The following ZNF804A variants were observed in gnomAD, a reference collection of about 807,000 sequenced individuals.
ZNF804A encodes zinc finger protein 804A.
ZNF804A carries 2 observed loss-of-function variants against 16.5 expected under a neutral mutation model. The ratio of observed to expected loss-of-function variants is 0.12; its 90% CI spans 0.05 to 0.38. ZNF804A has a LOEUF of 0.38. ZNF804A is among the 10% of genes least tolerant of loss of function. The pLI is 0.99. For missense variants in ZNF804A, 1,473 were observed against 1,390.7 expected, an observed-to-expected ratio of 1.06 and a Z score of -0.94; for synonymous variants, 534 against 489.6, an observed-to-expected ratio of 1.09 and a Z score of -1.20.
chr2:184,715,460 C>T (rs1347233035), intron 1 of ZNF804A, among the ~76,000 whole-genome samples: 3 of 152,118 alleles, frequency 2.0e-5, no homozygotes, highest in East Asian at 3.9e-4. Flanking sequence ...TCATGGCTCT[C>T]ACTGTTACCT....
intron 1 of ZNF804A, among the ~76,000 whole-genome samples, chr2:184,670,403 T>G (rs1692323738): frequency 6.6e-6 from 1 of 152,066 alleles, no homozygotes; most frequent in Admixed American, 6.6e-5. Flanking sequence ...TGGAACTTTA[T>G]TAAGACACAT....
rs568206062 is a variant in ZNF804A at position 184,815,164 on chromosome 2, T to C, written c.112-51205T>C. On this transcript the variant is annotated intron_variant, in intron 1 of 3. Coordinates refer to ENST00000302277, the MANE Select transcript of ZNF804A (RefSeq NM_194250.2). ...TCAGTGAGTGATACAGTGAAGTTAG[T>C]GTAAGAAGTTCAGAAATCCACATTA... Among the ~76,000 whole-genome samples, 3 of 152,062 alleles carry C rather than the reference T, an allele frequency of 2.0e-5. No homozygotes were observed. In the East Asian group the frequency reaches 5.8e-4, roughly 29 times the overall value.
intron 1 of ZNF804A, among the ~76,000 whole-genome samples, chr2:184,680,924 T>G (rs1016755649): frequency 5.9e-5 from 9 of 152,238 alleles, no homozygotes; most frequent in African/African-American, 2.2e-4. Flanking sequence ...CAGGCATCAC[T>G]GTGCCAGCAG....
chr2:184,740,565 G>T (rs775761410), intron 1 of ZNF804A, among the ~76,000 whole-genome samples: 2 of 152,068 alleles, frequency 1.3e-5, no homozygotes, highest in African/African-American at 4.8e-5. Flanking sequence ...TAAAACCTCA[G>T]GAAACTTTTA....
At chr2:184,634,113 T>C (rs1393936419) in intron 1 of ZNF804A, among the ~76,000 whole-genome samples, 3 of 152,178 alleles carry the variant, frequency 2.0e-5, no homozygotes, top group African/African-American at 7.2e-5. Context: ...AATTATTCAA[T>C]ATATCAGTTG....
intron 1 of ZNF804A, among the ~76,000 whole-genome samples, chr2:184,769,471 A>C (rs1391340714): frequency 1.3e-5 from 2 of 152,118 alleles, no homozygotes; most frequent in Non-Finnish European, 2.9e-5. Context: ...AGAGCACAGC[A>C]GGTATCTCAA....
intron 1 of ZNF804A, among the ~76,000 whole-genome samples, chr2:184,684,167 T>C (rs549060950): frequency 6.6e-6 from 1 of 152,330 alleles, no homozygotes; most frequent in South Asian, 2.1e-4. Flanking sequence ...GCGTAATGAA[T>C]GATTTGTGAG....
chr2:184,716,914 G>A (rs1183918388), intron 1 of ZNF804A, among the ~76,000 whole-genome samples: 3 of 151,938 alleles, frequency 2.0e-5, no homozygotes, highest in Admixed American at 6.6e-5. Context: ...TTTGTACTTC[G>A]TACATGTTAA....
intron 1 of ZNF804A, among the ~76,000 whole-genome samples, chr2:184,679,413 C>T (rs1277660258): frequency 1.3e-5 from 2 of 152,140 alleles, no homozygotes; most frequent in Non-Finnish European, 2.9e-5. Context: ...CTGGAGGGAG[C>T]TGGGGACAGG....
chr2:184,736,877 A>C (rs969111798), intron 1 of ZNF804A, among the ~76,000 whole-genome samples: 2 of 146,982 alleles, frequency 1.4e-5, no homozygotes, highest in African/African-American at 2.5e-5. Context: ...TTTTTTCTGC[A>C]TAAAGCACTG....
intron 1 of ZNF804A, among the ~76,000 whole-genome samples, chr2:184,695,289 G>T (rs534801880): frequency 1.4e-4 from 21 of 151,414 alleles, no homozygotes; most frequent in African/African-American, 4.6e-4. Flanking sequence ...GTGAAACCCC[G>T]TCTCTACTAA....
At chr2:184,897,237 G>T (rs1685083448) in intron 2 of ZNF804A, among the ~76,000 whole-genome samples, 1 of 152,048 alleles carries the variant, frequency 6.6e-6, no homozygotes, top group Non-Finnish European at 1.5e-5. Flanking sequence ...AATATCAAGG[G>T]TACATACTAT....
At chr2:184,928,682 C>G (rs933714076) in intron 2 of ZNF804A, among the ~76,000 whole-genome samples, 5 of 152,220 alleles carry the variant, frequency 3.3e-5, no homozygotes, top group African/African-American at 1.2e-4. Context: ...CCCAAGGTGG[C>G]AAGGCTTGCA....
intron 1 of ZNF804A, among the ~76,000 whole-genome samples, chr2:184,798,006 A>ATTTG (rs1284803791): frequency 7.5e-6 from 1 of 133,256 alleles, no homozygotes; most frequent in Non-Finnish European, 1.6e-5. Flanking sequence ...TGGCTGATAT[A>ATTTG]TGTGTGTGTG....
chr2:184,685,935 C>T (rs1559126180), intron 1 of ZNF804A, among the ~76,000 whole-genome samples: 4 of 152,266 alleles, frequency 2.6e-5, no homozygotes, highest in Non-Finnish European at 5.9e-5. Flanking sequence ...CTGCCCTCAG[C>T]CTCTGATGGC....
At chr2:184,873,541 C>A (rs1251162858) in intron 2 of ZNF804A, among the ~76,000 whole-genome samples, 3 of 152,030 alleles carry the variant, frequency 2.0e-5, no homozygotes, top group Non-Finnish European at 4.4e-5. Context: ...AGTTTAACTG[C>A]ATGTAATATG....
At chr2:184,893,120 A>T (rs920655937) in intron 2 of ZNF804A, among the ~76,000 whole-genome samples, 2 of 152,142 alleles carry the variant, frequency 1.3e-5, no homozygotes, top group Non-Finnish European at 2.9e-5. Context: ...TCAATTTAAT[A>T]TATAAAACAT....
intron 1 of ZNF804A, among the ~76,000 whole-genome samples, chr2:184,708,049 TA>T (rs1693060327): frequency 6.6e-6 from 1 of 152,100 alleles, no homozygotes; most frequent in Non-Finnish European, 1.5e-5. Flanking sequence ...TGATTTTGAT[TA>T]TTTTTTCATA....
Position 184,925,428 on chromosome 2 carries a change from T to C in ZNF804A, c.256-8175T>C, listed in dbSNP as rs1185329370. Among the ~76,000 whole-genome samples, 3 of 151,976 alleles carry C rather than the reference T, an allele frequency of 2.0e-5. No homozygotes were observed. In the South Asian group the frequency reaches 6.2e-4, roughly 31 times the overall value. Reference sequence around the variant, plus strand: ...CATTTTCACTCTGTGTGTGTTTTTATAGGTGAAGTGTGTTTCTTGTAGGTA... The same window carrying C: ...CATTTTCACTCTGTGTGTGTTTTTACAGGTGAAGTGTGTTTCTTGTAGGTA... On this transcript the variant is annotated intron_variant, in intron 2 of 3. Coordinates refer to ENST00000302277, the MANE Select transcript of ZNF804A (RefSeq NM_194250.2).
Sources: allele counts gnomAD v4.1 joint callset (sites outside exome capture counted in the v4.1 genomes callset), GRCh38; gene constraint gnomAD v4.1.1; transcripts MANE v1.5; gene names NCBI Gene and HGNC (gene_info 2026-07-23, HGNC 2026-07-21).